The following PCDH15 variants were observed in gnomAD, a reference collection of about 807,000 sequenced individuals.
PCDH15 encodes the protein protocadherin-15.
PCDH15 carries 129 observed loss-of-function variants against 178.5 expected under a neutral mutation model. That is an observed-to-expected ratio of 0.72 (90% CI 0.63 to 0.84). The LOEUF is 0.84. PCDH15 is among the 40% of genes least tolerant of loss of function. PCDH15 has a pLI of 0.00. For missense variants in PCDH15, 2,230 were observed against 2,099.9 expected, an observed-to-expected ratio of 1.06 and a Z score of -1.21; for synonymous variants, 800 against 732.0, an observed-to-expected ratio of 1.09 and a Z score of -1.50.
chr10:53,874,893 C>T (rs1210498331), intron 26 of PCDH15, among the ~76,000 whole-genome samples: 1 of 151,634 alleles, frequency 6.6e-6, no homozygotes, highest in African/African-American at 2.4e-5. Context: ...GAAAAAGTAT[C>T]TTTTAGAAAT....
intron 1 of PCDH15, among the ~76,000 whole-genome samples, chr10:55,241,972 A>T (rs181304153): frequency 6.6e-6 from 1 of 152,326 alleles, no homozygotes; most frequent in Admixed American, 6.5e-5. Flanking sequence ...GTGAAGTGAT[A>T]AAGATTATGT....
chr10:55,293,219 C>G (rs1223320644), intron 1 of PCDH15, among the ~76,000 whole-genome samples: 2 of 152,146 alleles, frequency 1.3e-5, no homozygotes, highest in African/African-American at 4.8e-5. Flanking sequence ...TGACCCCTAT[C>G]AGCCACAGCC....
At chr10:54,191,299 G>A (rs781148874) in intron 11 of PCDH15, among the ~76,000 whole-genome samples, 1 of 152,146 alleles carries the variant, frequency 6.6e-6, no homozygotes, top group South Asian at 2.1e-4. Flanking sequence ...AGGGAGGCAT[G>A]CAACTAAAAT....
At chr10:54,899,934 TA>T (rs35510456) in intron 2 of PCDH15, among the ~76,000 whole-genome samples, 1 of 150,872 alleles carries the variant, frequency 6.6e-6, no homozygotes, top group African/African-American at 2.4e-5. Flanking sequence ...TAAAGTGCTT[TA>T]AAAAAAAAGA....
At chr10:54,029,075 C>T (rs1001352786) in intron 18 of PCDH15, among the ~76,000 whole-genome samples, 1 of 151,980 alleles carries the variant, frequency 6.6e-6, no homozygotes, top group Non-Finnish European at 1.5e-5. Context: ...TCCTATGTCC[C>T]CATTAAATTA....
At chr10:55,031,609 T>C (rs1438976770) in intron 2 of PCDH15, among the ~76,000 whole-genome samples, 1 of 152,182 alleles carries the variant, frequency 6.6e-6, no homozygotes, top group Non-Finnish European at 1.5e-5. Context: ...CCTTCTAGAA[T>C]TCAGATGTTG....
At chr10:54,436,016 G>T (rs1565270164) in intron 3 of PCDH15, among the ~76,000 whole-genome samples, 1 of 59,642 alleles carries the variant, frequency 1.7e-5, no homozygotes. Flanking sequence ...GGAGAGGAGA[G>T]GAGAGGAGAG....
chr10:55,099,816 T>C (rs1339313090), intron 2 of PCDH15, among the ~76,000 whole-genome samples: 54 of 152,118 alleles, frequency 3.5e-4, no homozygotes, highest in Admixed American at 3.5e-3. Flanking sequence ...ATTTTTAACT[T>C]TCTTATTATC....
chr10:54,421,267 G>A (rs2135817948), intron 3 of PCDH15, among the ~76,000 whole-genome samples: 1 of 151,820 alleles, frequency 6.6e-6, no homozygotes, highest in South Asian at 2.1e-4. Context: ...ACTTAAATTG[G>A]ATGAGAGTAT....
intron 2 of PCDH15, among the ~76,000 whole-genome samples, chr10:55,053,053 G>C (rs1390495002): frequency 6.6e-6 from 1 of 152,124 alleles, no homozygotes; most frequent in Non-Finnish European, 1.5e-5. Flanking sequence ...AAACGTACAT[G>C]ACAAGAACCT....
intron 1 of PCDH15, among the ~76,000 whole-genome samples, chr10:55,216,946 G>T (rs1840720664): frequency 6.6e-6 from 1 of 151,830 alleles, no homozygotes; most frequent in South Asian, 2.1e-4. Context: ...AACTCTTTCT[G>T]TGAATTCTAC....
chr10:54,262,390 C>T (rs2057376995), intron 8 of PCDH15, among the ~76,000 whole-genome samples: 3 of 152,166 alleles, frequency 2.0e-5, no homozygotes, highest in African/African-American at 4.8e-5. Flanking sequence ...TGCCTGTCAA[C>T]GCCTTCCCAG....
At chr10:53,981,825 T>G (rs909358453) in intron 21 of PCDH15, among the ~76,000 whole-genome samples, 97 of 151,696 alleles carry the variant, frequency 6.4e-4, no homozygotes, top group East Asian at 2.7e-3. Context: ...AAATGGGATC[T>G]AATTAAACTC....
chr10:53,977,077 T>C (rs755869517), intron 21 of PCDH15, among the ~76,000 whole-genome samples: 2 of 152,096 alleles, frequency 1.3e-5, no homozygotes, highest in African/African-American at 2.4e-5. Flanking sequence ...CTCTGCAATA[T>C]AAACCCCTGA....
At chr10:54,184,717 G>A (rs1238771680) in intron 12 of PCDH15, among the ~76,000 whole-genome samples, 1 of 151,634 alleles carries the variant, frequency 6.6e-6, no homozygotes, top group African/African-American at 2.4e-5. Context: ...GCCTCCAGAT[G>A]TTGCTAAATG....
chr10:54,788,048 C>CA (rs1184031057), intron 1 of PCDH15, among the ~76,000 whole-genome samples: 1 of 151,060 alleles, frequency 6.6e-6, no homozygotes, highest in Non-Finnish European at 1.5e-5. Context: ...AGGGGAGAAA[C>CA]AAAAAATAGG....
chr10:55,565,200 G>A (rs1008205633), intron 2 of PCDH15, among the ~76,000 whole-genome samples: 3 of 151,444 alleles, frequency 2.0e-5, no homozygotes, highest in African/African-American at 7.2e-5. Flanking sequence ...AAGAAAAAGT[G>A]GAAAAATCAA....
chr10:54,620,996 T>C (rs894486297), intron 2 of PCDH15, among the ~76,000 whole-genome samples: 5 of 152,006 alleles, frequency 3.3e-5, no homozygotes, highest in Non-Finnish European at 7.4e-5. Flanking sequence ...ATATATTCTT[T>C]TTTAGGAGGA....
intron 15 of PCDH15, among the ~76,000 whole-genome samples, chr10:54,131,127 T>C (rs1428784927): frequency 6.6e-6 from 1 of 152,188 alleles, no homozygotes; most frequent in Non-Finnish European, 1.5e-5. Context: ...CTTCTTTTCA[T>C]CTTTAACTCA....
Sources: allele counts gnomAD v4.1 joint callset (sites outside exome capture counted in the v4.1 genomes callset), GRCh38; gene constraint gnomAD v4.1.1; transcripts MANE v1.5; gene names NCBI Gene and HGNC (gene_info 2026-07-23, HGNC 2026-07-21).